AP1G2: variants seen among roughly 807,000 people sequenced by gnomAD.
AP1G2 encodes adaptor related protein complex 1 subunit gamma 2, also known as AP-1 complex subunit gamma-like 2.
In AP1G2, 85 loss-of-function variants were observed where a neutral mutation model predicts 95.8. The ratio of observed to expected loss-of-function variants is 0.89; its 90% CI spans 0.74 to 1.06. AP1G2 has a LOEUF of 1.06. AP1G2 is among the 50% of genes least tolerant of loss of function. The pLI, the probability that AP1G2 is intolerant of heterozygous loss-of-function variation, is 0.00. For synonymous variants in AP1G2, 378 were observed against 400.0 expected (o/e 0.94, Z 0.66); for missense variants, 967 against 1,005.8 (o/e 0.96, Z 0.52).
At position 23,562,538 on chromosome 14, in the gene AP1G2, A is replaced by G. The variant is rs751027869; in HGVS notation, c.1466T>C (p.Leu489Pro). 1.2e-6 allele frequency: 2 copies of G among 1,614,110 alleles called. No homozygotes were observed. Among genetic ancestry groups the G allele is most frequent in the Non-Finnish European group, 1.7e-6 (2 of 1,180,050 alleles). ...WCIGEYGDLL[L>P]AGNCEEIEPL... ...CTCAATCTCCTCGCAGTTCCCTGCC[A>G]GCAGGAGGTCCCCATACTCCCCAAT... The change falls in exon 15 of 22, where the codon CTG becomes CCG. Residue 489 changes from leucine to proline, a missense_variant. By Grantham distance (98) the Leu-to-Pro change is moderately conservative. Transcript: ENST00000397120.
In AP1G2 at chr14:23,567,084, CAG is replaced by C. The variant is rs775643376; in HGVS notation, c.204+25_204+26del. 1 of 1,598,540 alleles carries C rather than the reference CAG, an allele frequency of 6.3e-7. No individual in the cohort carries two copies. Among genetic ancestry groups the C allele is most frequent in the South Asian group, 1.1e-5 (1 of 89,296 alleles). ...CTGCCCCACTAGCCTTCATCAAGCT[CAG>C]GAGGGAGGTATTCCTGGCCAGTACC... On this transcript the variant is annotated intron_variant, in intron 2 of 21. Transcript: ENST00000397120. The surrounding 1 kb of genome is among the most constrained non-coding windows in gnomAD (Gnocchi z 5.3).
Position 23,567,646 on chromosome 14 carries a change from C to A in AP1G2, c.-6+93G>T. On this transcript the variant is annotated intron_variant, in intron 1 of 21. Coordinates refer to ENST00000397120, the MANE Select transcript of AP1G2 (RefSeq NM_003917.5). The surrounding 1 kb of genome is among the most constrained non-coding windows in gnomAD (Gnocchi z 5.3). ...CATTGCTTTTTTTTCCACGACCCTCCGCTGTTTCTTCCGCGAGCTTCCTCC... is the reference window on the plus strand; with the variant it reads ...CATTGCTTTTTTTTCCACGACCCTCAGCTGTTTCTTCCGCGAGCTTCCTCC... The A allele has an allele frequency of 2.7e-6, 3 of 1,091,534 alleles. No homozygotes were observed. Among genetic ancestry groups the A allele is most frequent in the Non-Finnish European group, 3.3e-6 (3 of 897,118 alleles). 67.6% of individuals were successfully genotyped at this position (1,091,534 alleles called of 1,614,324 possible).
At chr14:23,564,965 G>A in intron 8 of AP1G2, 154 bp downstream of exon 8, 6 of 768,378 alleles carry the variant, frequency 7.8e-6, no homozygotes, top group Non-Finnish European at 1.3e-5. Flanking sequence ...ATAGCACTAA[G>A]ACAGACTGTG....
intron 14 of AP1G2, chr14:23,562,809 C>T (rs943366872): frequency 1.7e-6 from 1 of 600,508 alleles, no homozygotes; most frequent in African/African-American, 1.9e-5. Context: ...GAGGTCCCCT[C>T]CTCACTTCCA....
At chr14:23,560,063 A>G (rs201685013) in intron 20 of AP1G2, 27 bp from the exon 21 acceptor site, 1 of 1,513,132 alleles carries the variant, frequency 6.6e-7, no homozygotes, top group Admixed American at 1.7e-5. Context: ...AACAGAGCAC[A>G]GTATGGCAGT....
intron 14 of AP1G2, 141 bp downstream of exon 14, chr14:23,563,239 G>C (rs1176198813): frequency 3.4e-6 from 5 of 1,456,470 alleles, no homozygotes; most frequent in Non-Finnish European, 4.5e-6. Flanking sequence ...TAAAAACAGG[G>C]CTCTGTGCTC....
chr14:23,562,715 C>T (rs1217793179), intron 14 of AP1G2, 122 bp from the exon 15 acceptor site: 1 of 885,052 alleles, frequency 1.1e-6, no homozygotes, highest in East Asian at 2.7e-5. Flanking sequence ...CCAGCCTGGG[C>T]AACAAAGCGA....
chr14:23,560,101 C>T, intron 20 of AP1G2, 65 bp from the exon 21 acceptor site: 4 of 1,401,578 alleles, frequency 2.9e-6, no homozygotes, highest in Non-Finnish European at 4.0e-6. Flanking sequence ...CCCCTCTATA[C>T]TCAGTGGCTC....
At chr14:23,566,766 AAACCAGATT>A in intron 2 of AP1G2, 80 bp from the exon 3 acceptor site, 1 of 1,561,348 alleles carries the variant, frequency 6.4e-7, no homozygotes, top group South Asian at 1.1e-5. Context: ...TTCCTCTTTA[AAACCAGATT>A]AACCTGTGGG....
rs1484920487 is a variant in AP1G2, at chr14:23,562,514, T to G, written c.1490A>C (p.Glu497Ala). ...LLLAGNCEEI[E>A]PLQVDEEEVL... is the part of the protein sequence containing the mutation. Reference sequence around the variant, plus strand: ...CCAATGAGGTCTCACCTGAAGGGGCTCAATCTCCTCGCAGTTCCCTGCCAG... The same window carrying G: ...CCAATGAGGTCTCACCTGAAGGGGCGCAATCTCCTCGCAGTTCCCTGCCAG... Residue 497 changes from glutamate to alanine, a missense_variant, in exon 15 of 22, where the codon GAG becomes GCG. Glu to Ala is a moderately radical substitution (Grantham distance 107). Transcript: ENST00000397120. 2 of 1,614,176 alleles carry G rather than the reference T, an allele frequency of 1.2e-6. No individual in the cohort carries two copies. Among genetic ancestry groups the G allele is most frequent in the Admixed American group, 1.7e-5 (1 of 60,024 alleles).
intron 2 of AP1G2, 197 bp downstream of exon 2, chr14:23,566,914 G>T (rs1888330777): frequency 1.1e-6 from 1 of 882,264 alleles, no homozygotes; most frequent in Non-Finnish European, 1.7e-6. Context: ...CCTAAAGGAG[G>T]CTGGCCAGAG....
intron 19 of AP1G2, 106 bp from the exon 20 acceptor site, chr14:23,560,524 G>C: frequency 8.5e-7 from 1 of 1,173,888 alleles, no homozygotes; most frequent in Non-Finnish European, 1.2e-6. Context: ...TGCACTACTC[G>C]AAAGGCTAGT....
intron 14 of AP1G2, chr14:23,562,938 G>A: frequency 1.5e-6 from 1 of 664,650 alleles, no homozygotes; most frequent in African/African-American, 1.8e-5. Context: ...GAACTACATG[G>A]CCTAACCAAA....
chr14:23,564,841 G>C (rs1046462711), intron 8 of AP1G2, 181 bp from the exon 9 acceptor site: 1 of 643,374 alleles, frequency 1.6e-6, no homozygotes, highest in African/African-American at 1.8e-5. Context: ...ACAAGCCCAG[G>C]TAATCCTCAG....
Position 23,563,632 on chromosome 14 carries a change from A to G in AP1G2, c.1239T>C (p.Ala413=), listed in dbSNP as rs1257946899. The change falls in exon 13 of 22, where the codon GCT becomes GCC. Residue 413 remains alanine (A), a synonymous_variant. Transcript: ENST00000397120. ...TGTCTATGTGCCAGCGTTTGGTTGG[A>G]GCAAACCTAGGGGATATATGGCTCA... ...SGILLAAERF[A]PTKRWHIDTI... 6.2e-7 allele frequency: 1 copy of G among 1,613,980 alleles called. No individual in the cohort carries two copies. The highest frequency in any genetic ancestry group is 1.7e-5 in the Admixed American group (1 of 60,006).
rs143446655 is a variant in AP1G2 at position 23,567,646 on chromosome 14, C to G, written c.-6+93G>C. On this transcript the variant is annotated intron_variant, in intron 1 of 21. Transcript: ENST00000397120. The surrounding 1 kb of genome is among the most constrained non-coding windows in gnomAD (Gnocchi z 5.3). ...CATTGCTTTTTTTTCCACGACCCTC[C>G]GCTGTTTCTTCCGCGAGCTTCCTCC... is the stretch of plus-strand genomic sequence containing the variant. 2.7e-6 allele frequency: 3 copies of G among 1,091,416 alleles called. No homozygotes were observed. The highest frequency in any genetic ancestry group is 3.3e-6 in the Non-Finnish European group (3 of 897,126). The allele number at this position is 1,091,416 out of a possible 1,614,324, so 67.6% of individuals were successfully genotyped here. A position where few individuals can be genotyped will look rare whatever the true frequency, so the allele number is the denominator to read the frequency against.
Position 23,567,239 on chromosome 14 carries a change from C to G in AP1G2, c.76G>C (p.Glu26Gln). 2 of 1,613,030 alleles carry G rather than the reference C, an allele frequency of 1.2e-6. No homozygotes were observed. The highest frequency in any genetic ancestry group is 1.1e-5 in the South Asian group (1 of 91,010). Residue 26 changes from glutamate (E) to glutamine (Q), a missense_variant, in exon 2 of 22, where the codon GAG becomes CAG. Transcript: ENST00000397120. This position sits in a 1 kb window ranked among gnomAD's most constrained non-coding sequence, Gnocchi z 5.3. The part of the protein sequence containing the change: ...RGAKTQAQER[E>Q]VIQKECAHIR... Reference sequence around the variant, plus strand: ...TGGGCACACTCCTTTTGGATCACCTCCCGCTCCTGGGCCTGAGTCTTGGCC... The same window carrying G: ...TGGGCACACTCCTTTTGGATCACCTGCCGCTCCTGGGCCTGAGTCTTGGCC...
Position 23,565,137 on chromosome 14 carries a change from C to T in AP1G2, c.804G>A (p.Met268Ile). Residue 268 changes from methionine to isoleucine, a missense_variant, in exon 8 of 22, where the codon ATG becomes ATA. Transcript: ENST00000397120. ...GRNHEESSET[M>I]NDLLAQVATN... Reference sequence around the variant, plus strand: ...GCCCCACCTGGGCCAGCAAGTCATTCATGGTCTCACTGCTCTCCTCGTGGT... The same window carrying T: ...GCCCCACCTGGGCCAGCAAGTCATTTATGGTCTCACTGCTCTCCTCGTGGT... 12 of 1,614,224 alleles carry T rather than the reference C, an allele frequency of 7.4e-6. No homozygotes were observed. The highest frequency in any genetic ancestry group is 1.0e-5 in the Non-Finnish European group (12 of 1,180,032).
At chr14:23,566,241 T>C (rs773744172) in intron 4 of AP1G2, 37 bp downstream of exon 4, 4 of 1,611,172 alleles carry the variant, frequency 2.5e-6, no homozygotes, top group Middle Eastern at 1.7e-4. Context: ...CAGCAGGCAG[T>C]GTGCAGGAGC....
Sources: gnomAD v4.1 joint callset for allele counts on GRCh38, gnomAD v4.1.1 for gene constraint, Gnocchi (gnomAD v3.1) non-coding constraint, MANE v1.5 for transcripts, NCBI Gene and HGNC (gene_info 2026-07-23, HGNC 2026-07-21) for gene names.